Variants in ATAD2B observed in about 807,000 individuals in gnomAD.
ATAD2B encodes ATPase family AAA domain containing 2B, also known as ATPase family AAA domain-containing protein 2B.
A neutral mutation model predicts 167.6 loss-of-function variants in ATAD2B; 40 were observed. That is an observed-to-expected ratio of 0.24 (90% CI 0.19 to 0.31). The LOEUF is 0.31. Ranked by LOEUF, ATAD2B falls within the 10% of genes least tolerant of loss-of-function variation. The probability of loss-of-function intolerance (pLI) is 1.00; values close to 1 mark genes in which losing one functional copy is unlikely to be tolerated. For synonymous variants in ATAD2B, 579 were observed against 596.5 expected (o/e 0.97, Z 0.43); for missense variants, 1,242 against 1,757.2 (o/e 0.71, Z 5.24).
Position 23,749,825 on chromosome 2 carries a change from T to C in ATAD2B, c.*2221A>G, listed in dbSNP as rs1675160926. The C allele has an allele frequency of 6.6e-6, 1 of 152,132 alleles. No homozygotes were observed. Among genetic ancestry groups the C allele is most frequent in the African/African-American group, 2.4e-5 (1 of 41,452 alleles). The allele number at this position is 152,132 out of a possible 1,614,324, so 9.4% of individuals were successfully genotyped here. On this transcript the variant is annotated 3_prime_UTR_variant, in exon 28 of 28. Transcript: ENST00000238789. ...TGATGGCTAAAATCTTAATTAATTGTACAAATTTAGTAACCTACTAAGAAA... is the reference window on the plus strand; with the variant it reads ...TGATGGCTAAAATCTTAATTAATTGCACAAATTTAGTAACCTACTAAGAAA...
intron 13 of ATAD2B, among the ~76,000 whole-genome samples, chr2:23,849,285 A>G (rs1692188311): frequency 6.6e-6 from 1 of 152,230 alleles, no homozygotes; most frequent in Admixed American, 6.5e-5. Flanking sequence ...CATGAAGTCT[A>G]GAATAGGTGA....
At chr2:23,714,754 C>T in the ATAD2B span, among the ~76,000 whole-genome samples, 6 of 151,656 alleles carry the variant, frequency 4.0e-5, no homozygotes, top group Admixed American at 3.3e-4. Context: ...ACTCGGGAAG[C>T]TGAGGCAGGA....
At chr2:23,770,025 GT>G (rs1204502728) in intron 22 of ATAD2B, among the ~76,000 whole-genome samples, 2 of 151,480 alleles carry the variant, frequency 1.3e-5, no homozygotes, top group Admixed American at 1.3e-4. Flanking sequence ...GATTAATGAG[GT>G]TGACCGGACA....
At chr2:23,745,424 A>AAGGAAGGAAGGAAGGAAGGAAG, downstream of ATAD2B, among the ~76,000 whole-genome samples, 2 of 32,928 alleles carry the variant, frequency 6.1e-5, no homozygotes, top group Non-Finnish European at 6.0e-5. Flanking sequence ...AAGGAAGGAA[A>AAGGAAGGAAGGAAGGAAGGAAG]GGGAAGGGAA....
chr2:23,680,031 C>A, the ATAD2B span, among the ~76,000 whole-genome samples: 2 of 152,134 alleles, frequency 1.3e-5, no homozygotes, highest in Non-Finnish European at 2.9e-5. The surrounding 1 kb of genome is among the most constrained non-coding windows in gnomAD (Gnocchi z 4.1). Context: ...CTGTGCTGCC[C>A]CTTCAGCCCC....
At chr2:23,833,066 T>C (rs1387029653) in intron 14 of ATAD2B, among the ~76,000 whole-genome samples, 1 of 152,212 alleles carries the variant, frequency 6.6e-6, no homozygotes, top group African/African-American at 2.4e-5. Flanking sequence ...AGCCTGTAAA[T>C]TGAATTGTCA....
At chr2:23,712,772 T>A in the ATAD2B span, among the ~76,000 whole-genome samples, 1 of 151,534 alleles carries the variant, frequency 6.6e-6, no homozygotes, top group Non-Finnish European at 1.5e-5. Flanking sequence ...TGGATCTCTT[T>A]ACAAAAAAAA....
intron 23 of ATAD2B, among the ~76,000 whole-genome samples, chr2:23,763,879 A>T (rs1677069896): frequency 6.6e-6 from 1 of 152,186 alleles, no homozygotes; most frequent in East Asian, 1.9e-4. Context: ...GGCGTGAGCC[A>T]CCATGTTCAG....
intron 1 of ATAD2B, among the ~76,000 whole-genome samples, chr2:23,916,772 C>G (rs962942300): frequency 6.6e-6 from 1 of 152,118 alleles, no homozygotes; most frequent in Non-Finnish European, 1.5e-5. Flanking sequence ...CTTTAGGGTG[C>G]TTTTGGCCCC....
the ATAD2B span, among the ~76,000 whole-genome samples, chr2:23,705,521 C>T: frequency 4.0e-5 from 6 of 151,510 alleles, no homozygotes; most frequent in East Asian, 3.9e-4. Flanking sequence ...AAAGACTTAA[C>T]GGCAAATGGC....
At chr2:23,919,999 A>G (rs1247749749) in intron 1 of ATAD2B, among the ~76,000 whole-genome samples, 3 of 152,010 alleles carry the variant, frequency 2.0e-5, no homozygotes, top group Non-Finnish European at 4.4e-5. Context: ...AAAAATACAA[A>G]AATTAGCCAG....
chr2:23,836,250 G>C (rs1340438880), intron 13 of ATAD2B, among the ~76,000 whole-genome samples: 1 of 152,204 alleles, frequency 6.6e-6, no homozygotes, highest in Non-Finnish European at 1.5e-5. Flanking sequence ...TGTTGGCACA[G>C]GTGCTGGCTC....
At position 23,927,038 on chromosome 2, in the gene ATAD2B, G is replaced by T; in HGVS notation, c.-268C>A. 2.2e-6 allele frequency: 1 copy of T among 459,690 alleles called. No homozygotes were observed. The highest frequency in any genetic ancestry group is 3.8e-6 in the Non-Finnish European group (1 of 262,222). The allele number at this position is 459,690 out of a possible 1,614,324, so 28.5% of individuals were successfully genotyped here. A position where few individuals can be genotyped will look rare whatever the true frequency, so the allele number is the denominator to read the frequency against. On this transcript the variant is annotated 5_prime_UTR_variant, in exon 1 of 28. Coordinates refer to ENST00000238789, the MANE Select transcript of ATAD2B (RefSeq NM_017552.4). ...CTTCGCCCTCCTCAGCGGGAGCCGA[G>T]CGGAGCCGCCATTTCTACCCCTTTC...
intron 1 of ATAD2B, among the ~76,000 whole-genome samples, chr2:23,897,812 G>A (rs1700326022): frequency 6.6e-6 from 1 of 152,022 alleles, no homozygotes; most frequent in South Asian, 2.1e-4. Context: ...TTCTCCAAGG[G>A]GCCTTGGTTC....
intron 7 of ATAD2B, among the ~76,000 whole-genome samples, chr2:23,878,014 G>GAAAA (rs70941598): frequency 4.7e-5 from 2 of 42,704 alleles, no homozygotes; most frequent in Non-Finnish European, 8.8e-5. Flanking sequence ...TATCTCCAAA[G>GAAAA]AAAAAAAAAA....
intron 22 of ATAD2B, among the ~76,000 whole-genome samples, chr2:23,766,396 G>A (rs1196322364): frequency 6.6e-6 from 1 of 152,148 alleles, no homozygotes; most frequent in Admixed American, 6.5e-5. Context: ...AGAATCCAGA[G>A]TTGCAAAACA....
chr2:23,693,126 G>A, the ATAD2B span: 2 of 967,080 alleles, frequency 2.1e-6, no homozygotes, highest in East Asian at 2.7e-5. Context: ...CACCCAGGAA[G>A]GGGGCCTGCA....
Position 23,751,677 on chromosome 2 carries a change from C to A in ATAD2B, c.*369G>T. On this transcript the variant is annotated 3_prime_UTR_variant, in exon 28 of 28. Coordinates refer to ENST00000238789, the MANE Select transcript of ATAD2B (RefSeq NM_017552.4). ...TTTAAACAATTCAACACAGTTAGAA[C>A]TGCCCCCATCCAGTTTCCTCCTGTT... 4.2e-6 allele frequency: 1 copy of A among 238,464 alleles called. No individual in the cohort carries two copies. Among genetic ancestry groups the A allele is most frequent in the South Asian group, 7.2e-5 (1 of 13,874 alleles). The allele number at this position is 238,464 out of a possible 1,614,324, so 14.8% of individuals were successfully genotyped here.
the ATAD2B span, among the ~76,000 whole-genome samples, chr2:23,682,225 G>A: frequency 0.014 from 2,068 of 152,216 alleles, 22 homozygotes; most frequent in Middle Eastern, 0.031. The surrounding 1 kb of genome is among the most constrained non-coding windows in gnomAD (Gnocchi z 4.1). Context: ...CGGAAAGACC[G>A]TCACCATCAG....
Sources: allele counts gnomAD v4.1 joint callset (sites outside exome capture counted in the v4.1 genomes callset), GRCh38; gene constraint gnomAD v4.1.1; non-coding constraint Gnocchi (gnomAD v3.1); transcripts MANE v1.5; gene names NCBI Gene and HGNC (gene_info 2026-07-23, HGNC 2026-07-21).